PDZRN3: variants seen among roughly 807,000 people sequenced by gnomAD.
PDZRN3 encodes the protein E3 ubiquitin-protein ligase PDZRN3.
Under a neutral mutation model 85.7 loss-of-function variants are expected in PDZRN3, and 38 were observed. The ratio of observed to expected loss-of-function variants is 0.44; its 90% CI spans 0.34 to 0.58. The LOEUF (loss-of-function observed/expected upper bound fraction) is 0.58. PDZRN3 is among the 20% of genes least tolerant of loss of function. The pLI is 0.01. For missense variants in PDZRN3, 1,629 were observed against 1,506.4 expected, an observed-to-expected ratio of 1.08 and a Z score of -1.35; for synonymous variants, 759 against 638.0, an observed-to-expected ratio of 1.19 and a Z score of -2.86.
chr3:73,429,866 A>G (rs983734869), intron 3 of PDZRN3, among the ~76,000 whole-genome samples: 3 of 152,150 alleles, frequency 2.0e-5, no homozygotes, highest in Admixed American at 2.0e-4. Flanking sequence ...TTCTCTGCAC[A>G]TCACCCTTTC....
At chr3:73,410,622 T>C (rs9816862) in intron 3 of PDZRN3, among the ~76,000 whole-genome samples, 11,346 of 152,354 alleles carry the variant, frequency 0.074, 631 homozygotes, top group African/African-American at 0.16. Flanking sequence ...TCTTTGTGTC[T>C]AACTGATGTG....
intron 3 of PDZRN3, among the ~76,000 whole-genome samples, chr3:73,583,723 G>T (rs1575750315): frequency 6.6e-6 from 1 of 152,232 alleles, no homozygotes; most frequent in East Asian, 1.9e-4. Context: ...GTCACTGTAG[G>T]AGTCCACCCT....
rs11922532 is a variant in PDZRN3, at chr3:73,527,349, T to A, written c.918+75005A>T. Among the ~76,000 whole-genome samples, 807 of 152,272 alleles carry A rather than the reference T, an allele frequency of 5.3e-3. 4 individuals are homozygous for A. Among genetic ancestry groups the A allele is most frequent in the African/African-American group, 0.019 (788 of 41,548 alleles). On this transcript the variant is annotated intron_variant, in intron 3 of 9. Transcript: ENST00000263666. ...TGGTTTTTAAGGCCACAAGTTATAC[T>A]TCATCCTAGATCTTATCAATTCAAT...
chr3:73,401,109 G>C (rs1032917748), intron 4 of PDZRN3, 100 bp from the exon 5 acceptor site: 2 of 842,508 alleles, frequency 2.4e-6, no homozygotes, highest in African/African-American at 3.3e-5. Context: ...CAATTCCCAG[G>C]GTGTGGGCCC....
chr3:73,422,798 G>C (rs896135433), intron 3 of PDZRN3, among the ~76,000 whole-genome samples: 4 of 152,202 alleles, frequency 2.6e-5, no homozygotes, highest in African/African-American at 9.7e-5. Flanking sequence ...ACTGGGGAGG[G>C]AGAGATTAGA....
At chr3:73,609,072 A>C (rs1702645485) in intron 1 of PDZRN3, among the ~76,000 whole-genome samples, 1 of 152,152 alleles carries the variant, frequency 6.6e-6, no homozygotes, top group South Asian at 2.1e-4. Context: ...AGCAGCATTC[A>C]TGTCATGTCA....
At chr3:73,596,108 G>A (rs1702427094) in intron 3 of PDZRN3, among the ~76,000 whole-genome samples, 1 of 152,118 alleles carries the variant, frequency 6.6e-6, no homozygotes, top group Non-Finnish European at 1.5e-5. Flanking sequence ...CTCAAAACAT[G>A]ATGGGAACAT....
rs746195976 is a variant in PDZRN3, at chr3:73,384,663, A to G, written c.1903T>C (p.Tyr635His). The change falls in exon 10 of 10, where the codon TAC (tyrosine) becomes CAC (histidine). Residue 635 changes from tyrosine to histidine, a missense_variant. Physicochemically the swap from Tyr to His is moderately conservative, Grantham distance 83. Transcript: ENST00000263666. The part of the protein sequence containing the change: ...FISADCTDAD[Y>H]LGIPVDECER... ...CACTCGTCCACCGGGATCCCCAGGT[A>G]GTCGGCGTCCGTGCAGTCGGCCGAA... 6.2e-7 allele frequency: 1 copy of G among 1,613,994 alleles called. No individual in the cohort carries two copies. Among genetic ancestry groups the G allele is most frequent in the Non-Finnish European group, 8.5e-7 (1 of 1,180,024 alleles).
chr3:73,562,724 C>A (rs892760590), intron 3 of PDZRN3, among the ~76,000 whole-genome samples: 1 of 151,936 alleles, frequency 6.6e-6, no homozygotes, highest in African/African-American at 2.4e-5. Context: ...GCACAGCTGT[C>A]TATTCACTGA....
chr3:73,588,988 A>G (rs1472945787), intron 3 of PDZRN3, among the ~76,000 whole-genome samples: 1 of 152,078 alleles, frequency 6.6e-6, no homozygotes, highest in Non-Finnish European at 1.5e-5. Context: ...TATCAGAAGG[A>G]CTGACTTCCT....
intron 3 of PDZRN3, among the ~76,000 whole-genome samples, chr3:73,540,038 C>T (rs1411567055): frequency 7.6e-6 from 1 of 132,262 alleles, no homozygotes; most frequent in Non-Finnish European, 1.5e-5. Flanking sequence ...TGCCGTGTCT[C>T]TAACGACTTA....
At chr3:73,531,700 T>G (rs1284424000) in intron 3 of PDZRN3, among the ~76,000 whole-genome samples, 25 of 152,326 alleles carry the variant, frequency 1.6e-4, no homozygotes, top group Non-Finnish European at 2.9e-5. Context: ...GGCCTACATG[T>G]AGCCTCCCAA....
In PDZRN3 at chr3:73,433,561, C is replaced by A. The variant is rs868341295; in HGVS notation, c.919-29166G>T. The A allele has an allele frequency of 1.8e-5, 17 of 924,218 alleles. No homozygotes were observed. In the Middle Eastern group the frequency reaches 8.5e-4, roughly 46 times the overall value. 57.3% of individuals were successfully genotyped at this position (924,218 alleles called of 1,614,324 possible). A position where few individuals can be genotyped will look rare whatever the true frequency, so the allele number is the denominator to read the frequency against. The stretch of plus-strand genomic sequence containing the variant: ...ATGCACAAAAACACACATAAAAATC[C>A]CCACTACCTTTCCTAGAAGTTACAC... On this transcript the variant is annotated intron_variant, in intron 3 of 9. Transcript: ENST00000263666.
chr3:73,416,861 G>GTTTTTT (rs1295926566), intron 3 of PDZRN3, among the ~76,000 whole-genome samples: 4 of 86,852 alleles, frequency 4.6e-5, no homozygotes, highest in African/African-American at 1.7e-4. Flanking sequence ...TTTTTTTTTT[G>GTTTTTT]TTTGTTTTTT....
In PDZRN3 at chr3:73,384,286, T is replaced by C; in HGVS notation, c.2280A>G (p.Thr760=). Residue 760 remains threonine, a synonymous_variant, in exon 10 of 10, where the codon ACA becomes ACG. Coordinates refer to ENST00000263666, the MANE Select transcript of PDZRN3 (RefSeq NM_015009.3). ...GCGGGGTGCTGCGGCAGCTCTCGCCTGTGTTGTAGGCGCTCGAGCTGTCCT... is the reference window on the plus strand; with the variant it reads ...GCGGGGTGCTGCGGCAGCTCTCGCCCGTGTTGTAGGCGCTCGAGCTGTCCT... The part of the protein sequence containing the change: ...SDKDSSSAYN[T]GESCRSTPLT... 1 of 1,612,954 alleles carries C rather than the reference T, an allele frequency of 6.2e-7. No individual in the cohort carries two copies. The highest frequency in any genetic ancestry group is 8.5e-7 in the Non-Finnish European group (1 of 1,179,928).
rs1293645422 is a variant in PDZRN3, at chr3:73,384,010, G to C, written c.2556C>G (p.Ser852Arg). ...ASDGSRSPTPSQKLGSAYLPS... is the reference protein window; with the variant it reads ...ASDGSRSPTPRQKLGSAYLPS... The stretch of plus-strand genomic sequence containing the variant: ...GCAGGTAGGCGCTGCCCAGCTTCTG[G>C]CTGGGCGTGGGGCTCCGGCTCCCGT... Residue 852 changes from serine (S) to arginine (R), a missense_variant, in exon 10 of 10, where the codon AGC becomes AGG. Physicochemically the swap from Ser to Arg is moderately radical, Grantham distance 110 (BLOSUM62 -1). Transcript: ENST00000263666. 2 of 1,590,046 alleles carry C rather than the reference G, an allele frequency of 1.3e-6. No individual in the cohort carries two copies. The highest frequency in any genetic ancestry group is 1.7e-6 in the Non-Finnish European group (2 of 1,170,232).
At chr3:73,526,960 T>G (rs1293516105) in intron 3 of PDZRN3, among the ~76,000 whole-genome samples, 1 of 152,196 alleles carries the variant, frequency 6.6e-6, no homozygotes, top group African/African-American at 2.4e-5. Context: ...GCGGCTCTCC[T>G]GCCTCAGCCT....
At chr3:73,411,368 G>A (rs1233523686) in intron 3 of PDZRN3, among the ~76,000 whole-genome samples, 1 of 152,202 alleles carries the variant, frequency 6.6e-6, no homozygotes, top group African/African-American at 2.4e-5. Context: ...AACATGCAAA[G>A]TGGCTTTTCT....
Position 73,624,409 on chromosome 3 carries a change from C to T in PDZRN3, c.417G>A (p.Val139=). Residue 139 remains valine (V), a synonymous_variant, in exon 1 of 10, where the codon GTG becomes GTA. Coordinates refer to ENST00000263666, the MANE Select transcript of PDZRN3 (RefSeq NM_015009.3). ...GCCCGCAGCCCTCCTGGCAGCGGCC[C>T]ACTGGCCGCGCGTCGCAGGCGTCGC... is the stretch of plus-strand genomic sequence containing the variant. ...HMRDACDARP[V]GRCQEGCGLP... is the part of the protein sequence containing the mutation. 1 of 1,303,802 alleles carries T rather than the reference C, an allele frequency of 7.7e-7. No homozygotes were observed. The highest frequency in any genetic ancestry group is 9.7e-7 in the Non-Finnish European group (1 of 1,031,430). 80.8% of individuals were successfully genotyped at this position (1,303,802 alleles called of 1,614,324 possible).
Sources: allele counts gnomAD v4.1 joint callset (sites outside exome capture counted in the v4.1 genomes callset), GRCh38; gene constraint gnomAD v4.1.1; transcripts MANE v1.5; gene names NCBI Gene and HGNC (gene_info 2026-07-23, HGNC 2026-07-21).